Variants in NKD1 observed in about 807,000 individuals in gnomAD.
NKD1 encodes the protein NKD inhibitor of Wnt signaling pathway 1, also known as protein naked cuticle homolog 1.
Under a neutral mutation model 56.0 loss-of-function variants are expected in NKD1, and 21 were observed. The ratio of observed to expected loss-of-function variants is 0.38; its 90% confidence interval spans 0.27 to 0.54. The LOEUF is 0.54. NKD1 is among the 20% of genes least tolerant of loss of function. The probability of loss-of-function intolerance (pLI) is 0.82; values close to 1 mark genes in which losing one functional copy is unlikely to be tolerated. For missense variants in NKD1, 578 were observed against 642.7 expected (o/e 0.90, Z 1.09); for synonymous variants, 263 against 265.7 (o/e 0.99, Z 0.10).
chr16:50,556,641 T>G (rs997331032), intron 3 of NKD1: 1 of 152,214 alleles, frequency 6.6e-6, no homozygotes, highest in African/African-American at 2.4e-5. Context: ...CTGCCTGGGC[T>G]TCAGATTCTC....
chr16:50,548,843 G>A, intron 2 of NKD1, 94 bp downstream of exon 2: 1 of 1,270,840 alleles, frequency 7.9e-7, no homozygotes, highest in Non-Finnish European at 1.0e-6. Context: ...TATGACCAGG[G>A]CCACCCCGAA....
intron 5 of NKD1, among the ~76,000 whole-genome samples, chr16:50,624,790 T>C (rs1962172763): frequency 6.6e-6 from 1 of 152,208 alleles, no homozygotes; most frequent in Non-Finnish European, 1.5e-5. Flanking sequence ...CCTTGTTCCG[T>C]TGCCTCTGGG....
intron 3 of NKD1, among the ~76,000 whole-genome samples, chr16:50,568,070 AAT>A (rs1378763851): frequency 2.0e-5 from 3 of 152,360 alleles, no homozygotes; most frequent in African/African-American, 7.2e-5. Flanking sequence ...GTGGGAGGAA[AAT>A]ATGATGCCAG....
intron 4 of NKD1, among the ~76,000 whole-genome samples, chr16:50,617,062 C>A (rs1017859391): frequency 6.6e-6 from 1 of 152,224 alleles, no homozygotes; most frequent in African/African-American, 2.4e-5. Context: ...GTGGCGCCAG[C>A]TGTCAGCAGC....
intron 3 of NKD1, chr16:50,575,377 C>T (rs1360292605): frequency 1.0e-6 from 1 of 981,082 alleles, no homozygotes; most frequent in African/African-American, 1.7e-5. Flanking sequence ...TTCAGAACAT[C>T]AGCGCGAGGG....
rs946460026 is a variant in NKD1 at position 50,623,710 on chromosome 16, G to A, written c.367-1775G>A. ...CTGAAGCTCAGACCCAAGCTGTCTT[G>A]GAAACAGGTAAGTGCTGTGTGTGTG... On this transcript the variant is annotated intron_variant, in intron 5 of 9. Transcript: ENST00000268459. The surrounding 1 kb of genome is among the most constrained non-coding windows in gnomAD (Gnocchi z 4.1). Among the ~76,000 whole-genome samples, 1 of 150,318 alleles carries A rather than the reference G, an allele frequency of 6.7e-6. No homozygotes were observed. The highest frequency in any genetic ancestry group is 2.5e-5 in the African/African-American group (1 of 40,386).
At chr16:50,548,892 T>A in intron 2 of NKD1, 143 bp downstream of exon 2, 1 of 1,105,820 alleles carries the variant, frequency 9.0e-7, no homozygotes, top group Non-Finnish European at 1.2e-6. Flanking sequence ...GCCCGCTCCC[T>A]GAGCAGCCTT....
Position 50,631,333 on chromosome 16 carries a change from A to G in NKD1, c.695+423A>G, listed in dbSNP as rs115845794. Among the ~76,000 whole-genome samples the G allele has an allele frequency of 4.6e-3, 706 of 152,292 alleles. 8 individuals are homozygous for G. The highest frequency in any genetic ancestry group is 0.016 in the African/African-American group (679 of 41,546). ...GGCTTTTTGGACTTCAGAATGGTGG[A>G]TAAGGAATTATGAGGCTGTAGTTAC... On this transcript the variant is annotated intron_variant, in intron 8 of 9. Coordinates refer to ENST00000268459, the MANE Select transcript of NKD1 (RefSeq NM_033119.5).
rs547628592 is a variant in NKD1 at position 50,549,296 on chromosome 16, G to A, written c.59-126G>A. 44 of 1,217,068 alleles carry A rather than the reference G, an allele frequency of 3.6e-5. No individual in the cohort carries two copies. In the African/African-American group the frequency reaches 6.2e-4, roughly 17 times the overall value. 75.4% of individuals were successfully genotyped at this position (1,217,068 alleles called of 1,614,324 possible). ...CCTCTCTTGGCTCCTGCCCCAGCCC[G>A]CGAACCCCCTCCTGGCCCCCGTGCC... On this transcript the variant is annotated intron_variant, in intron 2 of 9. Transcript: ENST00000268459.
intron 3 of NKD1, chr16:50,571,423 A>G: frequency 1.1e-6 from 1 of 930,760 alleles, no homozygotes; most frequent in Non-Finnish European, 1.3e-6. Flanking sequence ...GGACCTTGGG[A>G]GTTTCAAGTG....
intron 5 of NKD1, 102 bp downstream of exon 5, chr16:50,621,810 C>T (rs1596751374): frequency 2.4e-6 from 2 of 829,672 alleles, no homozygotes; most frequent in East Asian, 5.4e-5. Flanking sequence ...ACAGGAAGGC[C>T]CCTCCCCTGC....
At chr16:50,599,256 G>A (rs1268920486) in intron 3 of NKD1, among the ~76,000 whole-genome samples, 1 of 152,118 alleles carries the variant, frequency 6.6e-6, no homozygotes. Context: ...CTTGGGACAC[G>A]CTATTTGAGC....
At position 50,647,937 on chromosome 16, in the gene NKD1, A is replaced by G. The variant is rs1368673724; in HGVS notation, c.*14156A>G. On this transcript the variant is annotated 3_prime_UTR_variant, in exon 10 of 10. Coordinates refer to ENST00000268459, the MANE Select transcript of NKD1 (RefSeq NM_033119.5). ...TCAGGGTTTGGGGCAGGTGTCAACC[A>G]CAAGAACATTAAACAGGCTCTTTTG... The G allele has an allele frequency of 6.6e-6, 1 of 152,266 alleles. No homozygotes were observed. Among genetic ancestry groups the G allele is most frequent in the Non-Finnish European group, 1.5e-5 (1 of 68,086 alleles). 9.4% of individuals were successfully genotyped at this position (152,266 alleles called of 1,614,324 possible). A position where few individuals can be genotyped will look rare whatever the true frequency, so the allele number is the denominator to read the frequency against.
Position 50,641,020 on chromosome 16 carries a change from C to T in NKD1, c.*7239C>T, listed in dbSNP as rs942089637. 2 of 152,202 alleles carry T rather than the reference C, an allele frequency of 1.3e-5. No homozygotes were observed. Among genetic ancestry groups the T allele is most frequent in the Non-Finnish European group, 2.9e-5 (2 of 68,050 alleles). 9.4% of individuals were successfully genotyped at this position (152,202 alleles called of 1,614,324 possible). A position where few individuals can be genotyped will look rare whatever the true frequency, so the allele number is the denominator to read the frequency against. Reference sequence around the variant, plus strand: ...TGTGGAGTCCAAATGGACAGTTCTTCCCAAAGCTGAGCGCAGACCGGCTTG... The same window carrying T: ...TGTGGAGTCCAAATGGACAGTTCTTTCCAAAGCTGAGCGCAGACCGGCTTG... On this transcript the variant is annotated 3_prime_UTR_variant, in exon 10 of 10. Coordinates refer to ENST00000268459, the MANE Select transcript of NKD1 (RefSeq NM_033119.5).
At chr16:50,597,820 G>A (rs1033023309) in intron 3 of NKD1, among the ~76,000 whole-genome samples, 1 of 152,132 alleles carries the variant, frequency 6.6e-6, no homozygotes, top group Non-Finnish European at 1.5e-5. Context: ...TGAGGCTTTC[G>A]ATCACAGCCC....
At chr16:50,600,192 A>C (rs1961562665) in intron 3 of NKD1, among the ~76,000 whole-genome samples, 1 of 152,112 alleles carries the variant, frequency 6.6e-6, no homozygotes, top group African/African-American at 2.4e-5. Context: ...CTTATATTTT[A>C]ATGATTCTGA....
At chr16:50,552,444 G>A (rs967534623) in intron 3 of NKD1, 1 of 152,296 alleles carries the variant, frequency 6.6e-6, no homozygotes, top group Non-Finnish European at 1.5e-5. Flanking sequence ...AGAAGCAGGA[G>A]TGGCCCCTGT....
intron 3 of NKD1, among the ~76,000 whole-genome samples, chr16:50,589,824 CTCCTCTCTTT>C (rs2151271610): frequency 9.4e-6 from 1 of 106,948 alleles, no homozygotes; most frequent in Non-Finnish European, 1.8e-5. Flanking sequence ...CTCCTCTCCT[CTCCTCTCTTT>C]TCTCTTCTCT....
At chr16:50,560,363 G>T (rs1960597335) in intron 3 of NKD1, among the ~76,000 whole-genome samples, 1 of 152,242 alleles carries the variant, frequency 6.6e-6, no homozygotes, top group African/African-American at 2.4e-5. Context: ...AGGAGGAGGT[G>T]GTAACAGCGT....
Sources: allele counts gnomAD v4.1 joint callset (sites outside exome capture counted in the v4.1 genomes callset), GRCh38; gene constraint gnomAD v4.1.1; non-coding constraint Gnocchi (gnomAD v3.1); transcripts MANE v1.5; gene names NCBI Gene and HGNC (gene_info 2026-07-23, HGNC 2026-07-21).